Variants in FHIT observed in about 807,000 individuals in gnomAD.
FHIT encodes bis(5'-adenosyl)-triphosphatase.
Under a neutral mutation model 17.9 loss-of-function variants are expected in FHIT, and 19 were observed. That is an observed-to-expected ratio of 1.06 (90% CI 0.74 to 1.56). The LOEUF is 1.56. FHIT is among the 40% of genes most tolerant of loss of function. FHIT has a pLI of 0.00. For missense variants in FHIT, 248 were observed against 189.2 expected (o/e 1.31, Z -1.82); for synonymous variants, 81 against 69.7 (o/e 1.16, Z -0.81).
chr3:61,122,621 A>T (rs1559999428), intron 2 of FHIT, among the ~76,000 whole-genome samples: 1 of 152,236 alleles, frequency 6.6e-6, no homozygotes, highest in Non-Finnish European at 1.5e-5. Flanking sequence ...CAATGGGCTA[A>T]TATCCAGAAT....
intron 7 of FHIT, among the ~76,000 whole-genome samples, chr3:59,942,820 T>A (rs1191682563): frequency 6.6e-6 from 1 of 152,044 alleles, no homozygotes; most frequent in Non-Finnish European, 1.5e-5. Context: ...AATATTTTTT[T>A]AAATTATTTG....
At chr3:60,385,662 C>T (rs939155884) in intron 5 of FHIT, among the ~76,000 whole-genome samples, 10 of 152,194 alleles carry the variant, frequency 6.6e-5, no homozygotes, top group African/African-American at 1.9e-4. Context: ...CTACTGCAGC[C>T]TTGATCTCCC....
intron 7 of FHIT, among the ~76,000 whole-genome samples, chr3:59,978,145 G>A (rs1310762051): frequency 6.6e-6 from 1 of 152,078 alleles, no homozygotes; most frequent in East Asian, 1.9e-4. Context: ...AATAATACTT[G>A]AGGAAACTGA....
chr3:59,865,132 GA>G (rs1263726438), intron 8 of FHIT, among the ~76,000 whole-genome samples: 1 of 152,048 alleles, frequency 6.6e-6, no homozygotes, highest in Non-Finnish European at 1.5e-5. Flanking sequence ...TTTAAAAAAA[GA>G]AAAAAATTAA....
At chr3:60,853,774 A>G (rs1703252246) in intron 3 of FHIT, among the ~76,000 whole-genome samples, 1 of 152,040 alleles carries the variant, frequency 6.6e-6, no homozygotes, top group African/African-American at 2.4e-5. Context: ...AAACATAAGT[A>G]CTCTTTTTCT....
At chr3:60,530,987 A>C (rs1014662957) in intron 5 of FHIT, among the ~76,000 whole-genome samples, 3 of 152,216 alleles carry the variant, frequency 2.0e-5, no homozygotes, top group African/African-American at 7.2e-5. Flanking sequence ...CTTAACAGTC[A>C]CTGCTAAATG....
rs1480291630 is a variant in FHIT at position 60,553,415 on chromosome 3, T to C, written c.-17-16436A>G. 24 of 966,032 alleles carry C rather than the reference T, an allele frequency of 2.5e-5. No homozygotes were observed. The South Asian group carries it at 3.3e-4, about 13-fold the overall frequency. 59.8% of individuals were successfully genotyped at this position (966,032 alleles called of 1,614,324 possible). On this transcript the variant is annotated intron_variant, in intron 4 of 9. Coordinates refer to ENST00000492590, the MANE Select transcript of FHIT (RefSeq NM_002012.4). ...ACTGATTGATCCGACGGAGACCTTTTATGCAAAAAGAGGTCACTGCTTTAA... is the reference window on the plus strand; with the variant it reads ...ACTGATTGATCCGACGGAGACCTTTCATGCAAAAAGAGGTCACTGCTTTAA...
intron 3 of FHIT, among the ~76,000 whole-genome samples, chr3:60,885,249 C>T (rs1448065112): frequency 1.3e-5 from 2 of 152,004 alleles, no homozygotes; most frequent in African/African-American, 4.8e-5. Context: ...GCTGGATATC[C>T]TAATTACCTT....
intron 8 of FHIT, among the ~76,000 whole-genome samples, chr3:59,788,881 G>GTTTTTTTTTTTTTTT (rs60361063): frequency 0.16 from 13,669 of 86,646 alleles, 3,482 homozygotes; most frequent in Non-Finnish European, 0.2. Flanking sequence ...GAGTTCATAT[G>GTTTTTTTTTTTTTTT]TTTTTTTTTT....
chr3:61,203,070 C>G (rs942674618), intron 1 of FHIT, among the ~76,000 whole-genome samples: 1 of 150,664 alleles, frequency 6.6e-6, no homozygotes, highest in Non-Finnish European at 1.5e-5. Flanking sequence ...GTCCCAGCTA[C>G]TTGGGAGGCT....
chr3:61,121,041 G>T (rs1347471765), intron 2 of FHIT, among the ~76,000 whole-genome samples: 1 of 151,750 alleles, frequency 6.6e-6, no homozygotes, highest in Non-Finnish European at 1.5e-5. Flanking sequence ...GACAAGATTA[G>T]AGAAAAAAGA....
intron 2 of FHIT, among the ~76,000 whole-genome samples, chr3:61,134,307 T>C (rs945432309): frequency 2.6e-5 from 4 of 152,066 alleles, no homozygotes; most frequent in Admixed American, 6.5e-5. Flanking sequence ...AAAACAGTGA[T>C]GAAAACAGCA....
intron 3 of FHIT, among the ~76,000 whole-genome samples, chr3:61,032,751 G>A (rs1027035150): frequency 2.6e-5 from 4 of 152,228 alleles, no homozygotes; most frequent in African/African-American, 4.8e-5. Context: ...CAGAGAAGCA[G>A]AACCAATGGG....
At position 60,118,023 on chromosome 3, in the gene FHIT, G is replaced by A. The variant is rs1705056197; in HGVS notation, c.104-103871C>T. On this transcript the variant is annotated intron_variant, in intron 5 of 9. Coordinates refer to ENST00000492590, the MANE Select transcript of FHIT (RefSeq NM_002012.4). Reference sequence around the variant, plus strand: ...TTGCAAAATGCTGATGATCCAAGCGGTGAGTTTGAGACCAAGGATATTATT... The same window carrying A: ...TTGCAAAATGCTGATGATCCAAGCGATGAGTTTGAGACCAAGGATATTATT... Among the ~76,000 whole-genome samples the A allele has an allele frequency of 3.3e-5, 5 of 152,186 alleles. No homozygotes were observed. In the South Asian group the frequency reaches 8.3e-4, roughly 25 times the overall value.
chr3:60,429,170 T>C (rs1465381466), intron 5 of FHIT, among the ~76,000 whole-genome samples: 1 of 151,996 alleles, frequency 6.6e-6, no homozygotes, highest in African/African-American at 2.4e-5. Flanking sequence ...ACGACATTCA[T>C]AAAAATTTTG....
chr3:60,211,646 C>T (rs566752447), intron 5 of FHIT, among the ~76,000 whole-genome samples: 2 of 152,182 alleles, frequency 1.3e-5, no homozygotes, highest in South Asian at 2.1e-4. Context: ...GGACTGGTAT[C>T]GATATTCTGA....
chr3:60,940,309 C>A (rs1308626508), intron 3 of FHIT, among the ~76,000 whole-genome samples: 1 of 151,602 alleles, frequency 6.6e-6, no homozygotes, highest in African/African-American at 2.4e-5. Context: ...TGTTAACTAG[C>A]CTATTCTGAA....
chr3:60,412,553 G>A (rs1702101771), intron 5 of FHIT, among the ~76,000 whole-genome samples: 2 of 151,938 alleles, frequency 1.3e-5, no homozygotes, highest in South Asian at 4.2e-4. Context: ...AAGTGAGAGT[G>A]CCATTTATTG....
intron 3 of FHIT, among the ~76,000 whole-genome samples, chr3:60,845,968 A>G (rs2106887791): frequency 6.6e-6 from 1 of 152,340 alleles, no homozygotes; most frequent in Admixed American, 6.5e-5. Context: ...GAGAAAAATA[A>G]AAGAAAACCT....
Sources: gnomAD v4.1 joint callset for allele counts (sites outside exome capture counted in the v4.1 genomes callset) on GRCh38, gnomAD v4.1.1 for gene constraint, MANE v1.5 for transcripts, NCBI Gene and HGNC (gene_info 2026-07-23, HGNC 2026-07-21) for gene names.